SLC12A6: variants seen among roughly 807,000 people sequenced by gnomAD.
SLC12A6 encodes the protein K-Cl cotransporter 3.
SLC12A6 carries 66 observed loss-of-function variants against 135.3 expected under a neutral mutation model. The observed-to-expected ratio is 0.49, with a 90% CI of 0.40 to 0.60. The LOEUF is 0.60. Among genes scored for constraint, SLC12A6 ranks in the 20% least tolerant of loss-of-function variants. SLC12A6 has a pLI of 0.00. For synonymous variants in SLC12A6, 513 were observed against 508.8 expected, an observed-to-expected ratio of 1.01 and a Z score of -0.11; for missense variants, 1,058 against 1,452.3, an observed-to-expected ratio of 0.73 and a Z score of 4.41.
chr15:34,240,405 T>C (rs1057475450), intron 19 of SLC12A6, among the ~76,000 whole-genome samples: 4 of 152,190 alleles, frequency 2.6e-5, no homozygotes, highest in African/African-American at 9.7e-5. Flanking sequence ...AGATTAATGT[T>C]TGGAGTATAT....
At chr15:34,298,010 T>C (rs952693768) in intron 2 of SLC12A6, among the ~76,000 whole-genome samples, 20 of 152,172 alleles carry the variant, frequency 1.3e-4, no homozygotes, top group African/African-American at 4.6e-4. Flanking sequence ...GCAGTAGTAG[T>C]TATTAATATT....
intron 2 of SLC12A6, among the ~76,000 whole-genome samples, chr15:34,328,709 T>C (rs951401254): frequency 3.3e-5 from 5 of 152,040 alleles, no homozygotes; most frequent in Non-Finnish European, 7.4e-5. Flanking sequence ...CAAAACCCCA[T>C]CTCTACCAAA....
rs908952779 is a variant in SLC12A6 at position 34,268,637 on chromosome 15, T to C, written c.316+6708A>G. Among the ~76,000 whole-genome samples, 24 of 152,200 alleles carry C rather than the reference T, an allele frequency of 1.6e-4. 1 individual carries two copies. The highest frequency in any genetic ancestry group is 4.3e-4 in the African/African-American group (18 of 41,444). On this transcript the variant is annotated intron_variant, in intron 3 of 25. Coordinates refer to ENST00000354181, the MANE Select transcript of SLC12A6 (RefSeq NM_001365088.1). ...AGCCTTCAAAAGTTTAGGTCACTGT[T>C]GTGACCCCAAGAAATACCAGATGGA...
At chr15:34,284,968 A>G (rs964343089) in intron 2 of SLC12A6, among the ~76,000 whole-genome samples, 1 of 152,242 alleles carries the variant, frequency 6.6e-6, no homozygotes, top group Admixed American at 6.5e-5. Flanking sequence ...AATGGCAGCA[A>G]GGAGACCGGA....
chr15:34,287,844 ATTTG>A (rs1895213003), intron 2 of SLC12A6, among the ~76,000 whole-genome samples: 1 of 152,042 alleles, frequency 6.6e-6, no homozygotes, highest in Non-Finnish European at 1.5e-5. Context: ...TTTCTGGTAA[ATTTG>A]TTTAAGTTCT....
At chr15:34,235,353 A>G in intron 24 of SLC12A6, 39 bp from the exon 25 acceptor site, 1 of 1,585,658 alleles carries the variant, frequency 6.3e-7, no homozygotes, top group Non-Finnish European at 8.7e-7. Context: ...AGGTAAAAAG[A>G]CAACTAGCCA....
intron 2 of SLC12A6, among the ~76,000 whole-genome samples, chr15:34,288,417 G>C (rs1167774015): frequency 6.6e-6 from 1 of 152,236 alleles, no homozygotes; most frequent in African/African-American, 2.4e-5. Flanking sequence ...CGGGTAGCTT[G>C]ATGTCTCCAG....
chr15:34,308,630 CA>C (rs536506096), intron 2 of SLC12A6, among the ~76,000 whole-genome samples: 2,336 of 63,378 alleles, frequency 0.037, 21 homozygotes, highest in African/African-American at 0.094. Flanking sequence ...GTCCACCTGA[CA>C]AAAAAAAAAA....
chr15:34,311,818 C>T (rs1888279658), intron 2 of SLC12A6, among the ~76,000 whole-genome samples: 1 of 152,172 alleles, frequency 6.6e-6, no homozygotes, highest in African/African-American at 2.4e-5. Context: ...TTTTATTTCC[C>T]ATGTGCTATA....
intron 2 of SLC12A6, among the ~76,000 whole-genome samples, chr15:34,288,232 A>G (rs181016896): frequency 1.3e-5 from 2 of 152,250 alleles, no homozygotes; most frequent in East Asian, 3.9e-4. Context: ...ATGTTTGTGT[A>G]GTTTGTGTAG....
At chr15:34,329,141 G>T (rs1889669916) in intron 2 of SLC12A6, among the ~76,000 whole-genome samples, 2 of 152,128 alleles carry the variant, frequency 1.3e-5, no homozygotes, top group Non-Finnish European at 2.9e-5. Context: ...GAAACAACAA[G>T]CTCACCAGCT....
At chr15:34,238,800 G>T in intron 20 of SLC12A6, 165 bp downstream of exon 20, 1 of 742,230 alleles carries the variant, frequency 1.3e-6, no homozygotes, top group Non-Finnish European at 2.5e-6. Context: ...AAGCTGAAGG[G>T]GGTAGGTAGA....
At chr15:34,259,461 G>C (rs1278122127) in intron 4 of SLC12A6, among the ~76,000 whole-genome samples, 1 of 152,070 alleles carries the variant, frequency 6.6e-6, no homozygotes, top group African/African-American at 2.4e-5. Flanking sequence ...ACCAGCCTGG[G>C]CAACAGAGTG....
intron 5 of SLC12A6, 82 bp from the exon 6 acceptor site, chr15:34,257,870 T>C: frequency 1.1e-6 from 1 of 885,526 alleles, no homozygotes; most frequent in Non-Finnish European, 1.8e-6. Flanking sequence ...ACTTGCTCCC[T>C]AACTACCATA....
chr15:34,243,928 G>T, intron 16 of SLC12A6, 46 bp downstream of exon 16: 1 of 1,138,076 alleles, frequency 8.8e-7, no homozygotes. Flanking sequence ...TTCAAAGATG[G>T]GTTCTCTCCA....
intron 3 of SLC12A6, among the ~76,000 whole-genome samples, chr15:34,271,287 A>G (rs1250840262): frequency 6.6e-6 from 1 of 152,134 alleles, no homozygotes; most frequent in African/African-American, 2.4e-5. Context: ...TGATGAGGGG[A>G]TAATTTAAAA....
chr15:34,241,291 C>T lies in SLC12A6; in HGVS notation c.2209G>A (p.Ala737Thr). 1 of 1,609,990 alleles carries T rather than the reference C, an allele frequency of 6.2e-7. No individual in the cohort carries two copies. Among genetic ancestry groups the T allele is most frequent in the Non-Finnish European group, 8.5e-7 (1 of 1,176,254 alleles). ...GDGIRGLSLS[A>T]ARFALLRLEE... ...AATCGAAGCAAAGCAAACCGGGCTG[C>T]ACTGAGGGACAGCCCACGGATACCA... The change falls in exon 18 of 26, where the codon GCA (alanine) becomes ACA (threonine). Residue 737 changes from alanine to threonine, a missense_variant. Physicochemically the swap from Ala to Thr is moderately conservative, Grantham distance 58. Around this residue, in one of 6 missense-constraint regions of SLC12A6, gnomAD observed 170 missense variants for 297.6 expected, o/e 0.57. Transcript: ENST00000354181.
At position 34,240,785 on chromosome 15, in the gene SLC12A6, A is replaced by C. The variant is rs764873504; in HGVS notation, c.2312T>G (p.Val771Gly). The change falls in exon 19 of 26, where the codon GTC becomes GGC. Residue 771 changes from valine (V) to glycine (G), a missense_variant. Val to Gly is a moderately radical substitution (Grantham distance 109). Coordinates refer to ENST00000354181, the MANE Select transcript of SLC12A6 (RefSeq NM_001365088.1). ...AAAGGTGAGGAGGCGAGGATGCTTG[A>C]CATGTAAGTCTTCATCTAGTTTCAG... ...VLLKLDEDLH[V>G]KHPRLLTFAS... The C allele has an allele frequency of 6.2e-7, 1 of 1,614,080 alleles. No homozygotes were observed. Among genetic ancestry groups the C allele is most frequent in the Non-Finnish European group, 8.5e-7 (1 of 1,179,970 alleles).
rs868109267 is a variant in SLC12A6, at chr15:34,310,708, A to T, written c.271+25702T>A. 4.4e-3 allele frequency among the ~76,000 whole-genome samples: 66 copies of T among 15,008 alleles called. 1 individual carries two copies. Among genetic ancestry groups the T allele is most frequent in the African/African-American group, 0.02 (23 of 1,124 alleles). 9.8% of individuals were successfully genotyped at this position (15,008 alleles called of 152,430 possible). ...CTGGTGTTGAACTCCTGGGCTCAAG[A>T]GTGTGTGTGTGTGTGTGTGTGTGTC... On this transcript the variant is annotated intron_variant, in intron 2 of 25. Transcript: ENST00000354181.
Sources: allele counts gnomAD v4.1 joint callset (sites outside exome capture counted in the v4.1 genomes callset), GRCh38; gene constraint gnomAD v4.1.1; regional missense constraint gnomAD v4.1.1; transcripts MANE v1.5; gene names NCBI Gene and HGNC (gene_info 2026-07-23, HGNC 2026-07-21).